The following MEI1 variants were observed in gnomAD, a reference collection of about 807,000 sequenced individuals.
MEI1 encodes meiosis inhibitor protein 1.
MEI1 carries 103 observed loss-of-function variants against 146.2 expected under a neutral mutation model. That is an observed-to-expected ratio of 0.70 (90% CI 0.60 to 0.83). The LOEUF (loss-of-function observed/expected upper bound fraction) is 0.83, where lower values mean the gene tolerates loss of function less well. Ranked by LOEUF, MEI1 falls within the 40% of genes least tolerant of loss-of-function variation. The pLI, the probability that MEI1 is intolerant of heterozygous loss-of-function variation, is 0.00. For synonymous variants in MEI1, 652 were observed against 628.2 expected (o/e 1.04, Z -0.57); for missense variants, 1,529 against 1,533.0 (o/e 1.00, Z 0.04).
At chr22:41,753,901 C>T in intron 16 of MEI1, 48 bp from the exon 17 acceptor site, 1 of 1,349,774 alleles carries the variant, frequency 7.4e-7, no homozygotes, top group Non-Finnish European at 1.1e-6. Flanking sequence ...CTCTCCCAGC[C>T]AAAGTAGCAA....
Position 41,773,918 on chromosome 22 carries a change from T to C in MEI1, c.2545-2184T>C, listed in dbSNP as rs146058436. ...AAAAGAACAGCAAGGAACAACTTTA[T>C]TGTCTGTTCATATATATAATTCTTA... On this transcript the variant is annotated intron_variant, in intron 20 of 30. Coordinates refer to ENST00000401548, the MANE Select transcript of MEI1 (RefSeq NM_152513.4). 1.3e-3 allele frequency among the ~76,000 whole-genome samples: 197 copies of C among 152,234 alleles called. 2 individuals carry two copies. The highest frequency in any genetic ancestry group is 4.5e-3 in the African/African-American group (188 of 41,548).
At chr22:41,751,190 A>G (rs974238178) in intron 15 of MEI1, among the ~76,000 whole-genome samples, 1 of 152,120 alleles carries the variant, frequency 6.6e-6, no homozygotes, top group African/African-American at 2.4e-5. Flanking sequence ...GCCCATCTGG[A>G]AGGGAAGCTT....
chr22:41,757,363 T>G (rs1042846028), intron 17 of MEI1, among the ~76,000 whole-genome samples: 2 of 151,944 alleles, frequency 1.3e-5, no homozygotes, highest in African/African-American at 4.8e-5. Context: ...CAAAGCTTGC[T>G]TTCTTTTTTC....
intron 6 of MEI1, among the ~76,000 whole-genome samples, chr22:41,723,717 C>T (rs2071072518): frequency 6.6e-6 from 1 of 152,186 alleles, no homozygotes; most frequent in Non-Finnish European, 1.5e-5. Flanking sequence ...ATCTTGCTTA[C>T]TCTTGAATCC....
chr22:41,738,371 G>A (rs557670499), intron 11 of MEI1, among the ~76,000 whole-genome samples: 2 of 151,906 alleles, frequency 1.3e-5, no homozygotes, highest in African/African-American at 2.4e-5. Flanking sequence ...GGCGGATCAC[G>A]AGGTCAGGAG....
intron 22 of MEI1, 42 bp from the exon 23 acceptor site, chr22:41,781,242 G>A: frequency 7.0e-7 from 1 of 1,435,382 alleles, no homozygotes. Context: ...ACAAGTGTGA[G>A]TGTTTTGCGA....
intron 6 of MEI1, among the ~76,000 whole-genome samples, chr22:41,723,349 A>C (rs2071036914): frequency 6.6e-6 from 1 of 151,932 alleles, no homozygotes; most frequent in Non-Finnish European, 1.5e-5. Context: ...AGTAGTTGGG[A>C]CTACAGGCAC....
intron 19 of MEI1, 108 bp downstream of exon 19, chr22:41,763,429 A>G: frequency 7.7e-7 from 1 of 1,292,202 alleles, no homozygotes; most frequent in East Asian, 2.3e-5. Context: ...TGGTAGAGAG[A>G]GACAAAGCGG....
intron 3 of MEI1, 117 bp downstream of exon 3, chr22:41,705,671 A>G (rs1003475355): frequency 1.3e-6 from 1 of 797,866 alleles, no homozygotes; most frequent in South Asian, 1.5e-5. Context: ...GAGGAACCCC[A>G]TTAGTTTTCA....
chr22:41,702,799 C>G (rs1218761875), intron 1 of MEI1, among the ~76,000 whole-genome samples: 1 of 151,482 alleles, frequency 6.6e-6, no homozygotes, highest in Non-Finnish European at 1.5e-5. Flanking sequence ...GCTCTTGTCC[C>G]CCAGGCTGGA....
chr22:41,705,215 A>C (rs2068999337), intron 2 of MEI1, among the ~76,000 whole-genome samples: 3 of 143,626 alleles, frequency 2.1e-5, no homozygotes, highest in African/African-American at 7.8e-5. Flanking sequence ...TGTGTTGCCC[A>C]GGCTGGAGTG....
chr22:41,794,262 C>A, intron 27 of MEI1, 109 bp from the exon 28 acceptor site: 1 of 910,004 alleles, frequency 1.1e-6, no homozygotes, highest in Non-Finnish European at 1.8e-6. Context: ...TTGTTCAGTG[C>A]CCTGTCTCTA....
At chr22:41,712,669 TA>T (rs2069689407) in intron 3 of MEI1, among the ~76,000 whole-genome samples, 2 of 95,386 alleles carry the variant, frequency 2.1e-5, no homozygotes, top group East Asian at 3.1e-4. Context: ...TAAATAGAAA[TA>T]GATGTGTGTG....
chr22:41,714,364 A>G (rs902815061), intron 4 of MEI1, among the ~76,000 whole-genome samples: 37 of 152,096 alleles, frequency 2.4e-4, no homozygotes, highest in Admixed American at 3.9e-4. Context: ...TGACTTCCTA[A>G]TTATAATACA....
intron 21 of MEI1, 81 bp downstream of exon 21, chr22:41,776,348 C>T (rs919042951): frequency 6.2e-6 from 9 of 1,453,904 alleles, no homozygotes; most frequent in Non-Finnish European, 8.5e-6. Flanking sequence ...TAGGTCTGCT[C>T]CAGGAGAGAG....
At chr22:41,710,593 G>T (rs1233797211) in intron 3 of MEI1, among the ~76,000 whole-genome samples, 1 of 152,154 alleles carries the variant, frequency 6.6e-6, no homozygotes, top group African/African-American at 2.4e-5. Flanking sequence ...ATTCTTTTAG[G>T]TCAGGTGGTT....
At position 41,776,173 on chromosome 22, in the gene MEI1, G is replaced by C; in HGVS notation, c.2616G>C (p.Arg872Ser). The change falls in exon 21 of 31, where the codon AGG becomes AGC. Residue 872 changes from arginine (R) to serine (S), a missense_variant. Arg to Ser is a moderately radical substitution (Grantham distance 110). Around this residue, in one of 3 missense-constraint regions of MEI1, gnomAD observed 1,212 missense variants for 1,178.9 expected, o/e 1.03. Transcript: ENST00000401548. Reference sequence around the variant, plus strand: ...TTAGCCTGAGGACCTTCCTGAGGAGGAATGAGGATATCCAAGTGGGCGGTC... The same window carrying C: ...TTAGCCTGAGGACCTTCCTGAGGAGCAATGAGGATATCCAAGTGGGCGGTC... ...VLISLRTFLR[R>S]NEDIQVGGLI... 6.2e-7 allele frequency: 1 copy of C among 1,613,998 alleles called. No homozygotes were observed. The highest frequency in any genetic ancestry group is 8.5e-7 in the Non-Finnish European group (1 of 1,179,890).
chr22:41,730,709 T>C, intron 9 of MEI1, 72 bp downstream of exon 9: 1 of 939,980 alleles, frequency 1.1e-6, no homozygotes, highest in Non-Finnish European at 1.7e-6. Flanking sequence ...GCAGCCGCAG[T>C]GATGGGGGGC....
chr22:41,763,336 G>T lies in MEI1; in HGVS notation c.2268+15G>T. 2 of 1,612,704 alleles carry T rather than the reference G, an allele frequency of 1.2e-6. No individual in the cohort carries two copies. Among genetic ancestry groups the T allele is most frequent in the Non-Finnish European group, 1.7e-6 (2 of 1,179,118 alleles). On this transcript the variant is annotated intron_variant, in intron 19 of 30. Coordinates refer to ENST00000401548, the MANE Select transcript of MEI1 (RefSeq NM_152513.4). ...CACTACGTGAGGTATGGACCACAAT[G>T]CCTGGGCTCCTTGTCCTTCTGTACC...
Sources: allele counts gnomAD v4.1 joint callset (sites outside exome capture counted in the v4.1 genomes callset), GRCh38; gene constraint gnomAD v4.1.1; regional missense constraint gnomAD v4.1.1; transcripts MANE v1.5; gene names NCBI Gene and HGNC (gene_info 2026-07-23, HGNC 2026-07-21).